Variants in TNIP3 observed in about 807,000 individuals in gnomAD.
TNIP3 encodes the protein TNFAIP3-interacting protein 3.
In TNIP3, 34 loss-of-function variants were observed where a neutral mutation model predicts 54.1. That is an observed-to-expected ratio of 0.63 (90% CI 0.48 to 0.84). TNIP3 has a LOEUF of 0.84. Ranked by LOEUF, TNIP3 falls within the 40% of genes least tolerant of loss-of-function variation. The probability of loss-of-function intolerance (pLI) is 0.00; values close to 1 mark genes in which losing one functional copy is unlikely to be tolerated. For missense variants in TNIP3, 366 were observed against 387.6 expected, an observed-to-expected ratio of 0.94 and a Z score of 0.47; for synonymous variants, 134 against 136.8, an observed-to-expected ratio of 0.98 and a Z score of 0.14.
upstream of TNIP3, among the ~76,000 whole-genome samples, chr4:121,219,875 G>A (rs570263839): frequency 6.6e-6 from 1 of 152,154 alleles, no homozygotes; most frequent in East Asian, 1.9e-4. Context: ...GTTTCTTTCT[G>A]GGTCATACAA....
intron 2 of TNIP3, chr4:121,192,846 C>G (rs983859601): frequency 6.6e-6 from 1 of 152,068 alleles, no homozygotes; most frequent in Non-Finnish European, 1.5e-5. Flanking sequence ...TCATGTAGGC[C>G]GTGCTAATTG....
At chr4:121,162,687 G>C (rs1438207590) in intron 1 of TNIP3, among the ~76,000 whole-genome samples, 1 of 152,174 alleles carries the variant, frequency 6.6e-6, no homozygotes, top group African/African-American at 2.4e-5. Context: ...CCCACCACAA[G>C]AGCACATCAA....
intron 3 of TNIP3, among the ~76,000 whole-genome samples, chr4:121,169,324 A>G (rs1730942068): frequency 6.6e-6 from 1 of 152,138 alleles, no homozygotes; most frequent in African/African-American, 2.4e-5. Flanking sequence ...TCCACATGGT[A>G]CATCCCCTCA....
At chr4:121,147,963 A>G (rs1729527804) in intron 6 of TNIP3, among the ~76,000 whole-genome samples, 1 of 152,266 alleles carries the variant, frequency 6.6e-6, no homozygotes, top group Admixed American at 6.5e-5. Flanking sequence ...CTACATGCAG[A>G]TACACATATT....
intron 2 of TNIP3, among the ~76,000 whole-genome samples, chr4:121,203,216 T>TATAGATAGATAGATAG (rs148903658): frequency 3.5e-4 from 51 of 147,072 alleles, no homozygotes; most frequent in Middle Eastern, 3.5e-3. Context: ...GAAAATGTGA[T>TATAGATAGATAGATAG]ATAGATAGAT....
At chr4:121,203,775 C>T (rs1451579333) in intron 2 of TNIP3, among the ~76,000 whole-genome samples, 2 of 151,542 alleles carry the variant, frequency 1.3e-5, no homozygotes, top group Non-Finnish European at 2.9e-5. Flanking sequence ...TTAGAGAACA[C>T]AAAAAAGTTA....
At chr4:121,156,257 TCA>T (rs1322406132) in intron 4 of TNIP3, among the ~76,000 whole-genome samples, 1 of 152,222 alleles carries the variant, frequency 6.6e-6, no homozygotes, top group Non-Finnish European at 1.5e-5. Flanking sequence ...AGATTTCCCC[TCA>T]GAGTCTTTAC....
intron 7 of TNIP3, among the ~76,000 whole-genome samples, chr4:121,143,300 A>G (rs1729227639): frequency 6.6e-6 from 1 of 152,186 alleles, no homozygotes; most frequent in African/African-American, 2.4e-5. Context: ...ACAGCTTCTC[A>G]CTACTTAAGG....
chr4:121,134,531 T>C (rs999672366), intron 10 of TNIP3, among the ~76,000 whole-genome samples: 1 of 152,242 alleles, frequency 6.6e-6, no homozygotes, highest in Non-Finnish European at 1.5e-5. Flanking sequence ...AAAAACATCA[T>C]TATTTAATGC....
In TNIP3 at chr4:121,142,779, A is replaced by C; in HGVS notation, c.736-3T>G. The stretch of plus-strand genomic sequence containing the variant: ...TTCTCCATCTGACAAGCTTTTATCT[A>C]AAGACAAAACAAAGGCATTTGTTAA... On this transcript the variant is annotated splice_region_variant and splice_polypyrimidine_tract_variant and intron_variant, in intron 7 of 10. Coordinates refer to ENST00000057513, the MANE Select transcript of TNIP3 (RefSeq NM_024873.6). 2 of 1,611,422 alleles carry C rather than the reference A, an allele frequency of 1.2e-6. No homozygotes were observed. The highest frequency in any genetic ancestry group is 1.7e-6 in the Non-Finnish European group (2 of 1,178,010).
At chr4:121,136,363 C>CTGT (rs1728785358) in intron 10 of TNIP3, among the ~76,000 whole-genome samples, 1 of 152,144 alleles carries the variant, frequency 6.6e-6, no homozygotes, top group South Asian at 2.1e-4. Flanking sequence ...AAGAGGGGCA[C>CTGT]TGTACTATAT....
upstream of TNIP3, among the ~76,000 whole-genome samples, chr4:121,169,262 G>T (rs572257428): frequency 2.6e-5 from 4 of 152,062 alleles, no homozygotes; most frequent in Non-Finnish European, 5.9e-5. Flanking sequence ...TGGCCACACC[G>T]TTGCCCCTTG....
chr4:121,138,549 T>C, intron 10 of TNIP3, 75 bp downstream of exon 10: 1 of 1,369,796 alleles, frequency 7.3e-7, no homozygotes, highest in African/African-American at 1.4e-5. Flanking sequence ...AATGAATGTA[T>C]GTTGAGTAAA....
chr4:121,220,333 G>C (rs117001696), upstream of TNIP3, among the ~76,000 whole-genome samples: 68 of 152,254 alleles, frequency 4.5e-4, 1 homozygote, highest in East Asian at 0.011. Context: ...TGTTTTCTAA[G>C]GAGAGATCTA....
At chr4:121,138,206 C>T (rs558036973) in intron 10 of TNIP3, among the ~76,000 whole-genome samples, 8 of 152,262 alleles carry the variant, frequency 5.3e-5, no homozygotes, top group Non-Finnish European at 7.4e-5. Context: ...AACACAGTTC[C>T]GAGCCTTTGG....
At chr4:121,146,973 C>G in intron 7 of TNIP3, 76 bp downstream of exon 7, 1 of 1,508,790 alleles carries the variant, frequency 6.6e-7, no homozygotes, top group Non-Finnish European at 8.9e-7. Context: ...TAACAGAAGT[C>G]CAAACGTCTT....
intron 3 of TNIP3, among the ~76,000 whole-genome samples, chr4:121,174,021 G>T (rs1156465783): frequency 6.6e-6 from 1 of 152,130 alleles, no homozygotes; most frequent in Non-Finnish European, 1.5e-5. Context: ...TGAGCAAAAG[G>T]CACATCTCAG....
At chr4:121,218,392 T>C (rs1194343496), upstream of TNIP3, among the ~76,000 whole-genome samples, 2 of 152,220 alleles carry the variant, frequency 1.3e-5, no homozygotes, top group Admixed American at 6.5e-5. Context: ...CCTTCCTAAA[T>C]TGCCTTTTCC....
Position 121,164,131 on chromosome 4 carries a change from C to G in TNIP3, c.-6G>C. 1.2e-6 allele frequency: 2 copies of G among 1,613,632 alleles called. No individual in the cohort carries two copies. Among genetic ancestry groups the G allele is most frequent in the Non-Finnish European group, 8.5e-7 (1 of 1,179,718 alleles). On this transcript the variant is annotated 5_prime_UTR_variant, in exon 1 of 11. Coordinates refer to ENST00000057513, the MANE Select transcript of TNIP3 (RefSeq NM_024873.6). ...CCCTGTACAAAATGTGCCATGGAAGCTGTTTTTCCTGGAGTCTTGGAAAGC... is the reference window on the plus strand; with the variant it reads ...CCCTGTACAAAATGTGCCATGGAAGGTGTTTTTCCTGGAGTCTTGGAAAGC...
Sources: gnomAD v4.1 joint callset for allele counts (sites outside exome capture counted in the v4.1 genomes callset) on GRCh38, gnomAD v4.1.1 for gene constraint, MANE v1.5 for transcripts, NCBI Gene and HGNC (gene_info 2026-07-23, HGNC 2026-07-21) for gene names.